Variants in FAM241B observed in about 807,000 individuals in gnomAD.
FAM241B encodes the protein protein FAM241B.
A neutral mutation model predicts 9.3 loss-of-function variants in FAM241B; 7 were observed. That is an observed-to-expected ratio of 0.75 (90% confidence interval 0.43 to 1.41). The LOEUF is 1.41. FAM241B is among the 40% of genes most tolerant of loss of function. FAM241B has a pLI of 0.01. For synonymous variants in FAM241B, 60 were observed against 64.1 expected (o/e 0.94, Z 0.31); for missense variants, 136 against 159.6 (o/e 0.85, Z 0.80).
chr10:69,632,934 C>T lies in FAM241B; in HGVS notation c.241C>T (p.Leu81Phe). 6.2e-7 allele frequency: 1 copy of T among 1,614,204 alleles called. No homozygotes were observed. The highest frequency in any genetic ancestry group is 1.1e-5 in the South Asian group (1 of 91,082). Residue 81 changes from leucine to phenylalanine, a missense_variant, in exon 4 of 4, where the codon CTT (leucine) becomes TTT (phenylalanine). Physicochemically the swap from Leu to Phe is conservative, Grantham distance 22. Coordinates refer to ENST00000373279, the MANE Select transcript of FAM241B (RefSeq NM_145306.3). ...GAACATGGGCTTTCCGCAGTGGCAT[C>T]TTGGCAACCATGCTGTGGAGCCGGT... ...LVNMGFPQWH[L>F]GNHAVEPVTS...
In FAM241B at chr10:69,631,771, A is replaced by G; in HGVS notation, c.28A>G (p.Ile10Val). ...GGTGCGGATCTTGGCCAATGGGGAAATCGTGCAGGATGACGACCCCCGAGT... is the reference window on the plus strand; with the variant it reads ...GGTGCGGATCTTGGCCAATGGGGAAGTCGTGCAGGATGACGACCCCCGAGT... MVRILANGE[I>V]VQDDDPRVRT... The change falls in exon 3 of 4, where the codon ATC becomes GTC. Residue 10 changes from isoleucine (I) to valine (V), a missense_variant. Physicochemically the swap from Ile to Val is conservative, Grantham distance 29. Transcript: ENST00000373279. The G allele has an allele frequency of 6.2e-7, 1 of 1,613,118 alleles. No individual in the cohort carries two copies. Among genetic ancestry groups the G allele is most frequent in the Non-Finnish European group, 8.5e-7 (1 of 1,179,830 alleles).
At chr10:69,632,751 C>A in intron 3 of FAM241B, 39 bp from the exon 4 acceptor site, 1 of 1,598,212 alleles carries the variant, frequency 6.3e-7, no homozygotes, top group Non-Finnish European at 8.5e-7. Flanking sequence ...GTGCGTCAAC[C>A]CAATGATTCA....
In FAM241B at chr10:69,631,578, CAG is replaced by C. The variant is rs1238515363; in HGVS notation, c.-36+32_-36+33del. 5 of 1,547,178 alleles carry C rather than the reference CAG, an allele frequency of 3.2e-6. No homozygotes were observed. In the African/African-American group the frequency reaches 4.1e-5, roughly 13 times the overall value. ...TTTTTTCCTTCAAGCTTTTTGAGGT[CAG>C]GGGGAAAATCCTCCACAGATCTTCA... On this transcript the variant is annotated intron_variant, in intron 2 of 3. Coordinates refer to ENST00000373279, the MANE Select transcript of FAM241B (RefSeq NM_145306.3).
At position 69,631,813 on chromosome 10, in the gene FAM241B, C is replaced by A; in HGVS notation, c.70C>A (p.Pro24Thr). The A allele has an allele frequency of 6.2e-7, 1 of 1,612,488 alleles. No homozygotes were observed. The highest frequency in any genetic ancestry group is 8.5e-7 in the Non-Finnish European group (1 of 1,179,612). Residue 24 changes from proline (P) to threonine (T), a missense_variant, in exon 3 of 4, where the codon CCA becomes ACA. Physicochemically the swap from Pro to Thr is conservative, Grantham distance 38. Transcript: ENST00000373279. ...CCCCCGAGTGAGGACCACTACCCAG[C>A]CACCAAGAGGTAGCATTCCTCGACA... The part of the protein sequence containing the change: ...DDPRVRTTTQ[P>T]PRGSIPRQSF...
rs2133256307 is a variant in FAM241B, at chr10:69,631,528, C to T, written c.-55C>T. 1 of 1,541,526 alleles carries T rather than the reference C, an allele frequency of 6.5e-7. No individual in the cohort carries two copies. The highest frequency in any genetic ancestry group is 2.5e-5 in the East Asian group (1 of 40,556). On this transcript the variant is annotated 5_prime_UTR_variant, in exon 2 of 4. Coordinates refer to ENST00000373279, the MANE Select transcript of FAM241B (RefSeq NM_145306.3). ...TCACCTCTGTGAACATCACTGACTG[C>T]AAGCCTCCCTCAATTTCTGGTAAAT...
intron 1 of FAM241B, among the ~76,000 whole-genome samples, chr10:69,630,842 G>T (rs1025710925): frequency 1.1e-4 from 17 of 152,184 alleles, no homozygotes; most frequent in African/African-American, 4.1e-4. Context: ...AGGTTGGACT[G>T]GTGTTCCCTG....
chr10:69,632,103 GTGGGT>G (rs1311425157), intron 3 of FAM241B, among the ~76,000 whole-genome samples: 1 of 152,178 alleles, frequency 6.6e-6, no homozygotes, highest in East Asian at 1.9e-4. Flanking sequence ...TCTTTTAAGA[GTGGGT>G]TGGATGACAG....
Position 69,631,498 on chromosome 10 carries a change from G to A in FAM241B, c.-85G>A, listed in dbSNP as rs750103148. On this transcript the variant is annotated 5_prime_UTR_variant, in exon 2 of 4. It adds an upstream start codon to the 5' untranslated region. Coordinates refer to ENST00000373279, the MANE Select transcript of FAM241B (RefSeq NM_145306.3). ...TAATCAGACACAGCATCTACTCAGC[G>A]TGGGTCACCTCTGTGAACATCACTG... 41 of 1,531,360 alleles carry A rather than the reference G, an allele frequency of 2.7e-5. 1 individual carries two copies. Among genetic ancestry groups the A allele is most frequent in the Middle Eastern group, 1.7e-4 (1 of 5,914 alleles). The allele number at this position is 1,531,360 out of a possible 1,614,324, so 94.9% of individuals were successfully genotyped here.
intron 3 of FAM241B, 133 bp downstream of exon 3, chr10:69,631,972 A>ACT (rs1839833026): frequency 9.3e-5 from 116 of 1,249,422 alleles, no homozygotes; most frequent in South Asian, 1.9e-4. Flanking sequence ...GCTGGGGAAG[A>ACT]TGCAGTGGCT....
Position 69,631,785 on chromosome 10 carries a change from C to G in FAM241B, c.42C>G (p.Asp14Glu). 5 of 1,613,198 alleles carry G rather than the reference C, an allele frequency of 3.1e-6. No homozygotes were observed. The highest frequency in any genetic ancestry group is 3.3e-4 in the Middle Eastern group (2 of 6,062). The change falls in exon 3 of 4, where the codon GAC becomes GAG. Residue 14 changes from aspartate to glutamate, a missense_variant. Physicochemically the swap from Asp to Glu is conservative, Grantham distance 45 (BLOSUM62 2). Coordinates refer to ENST00000373279, the MANE Select transcript of FAM241B (RefSeq NM_145306.3). ...ILANGEIVQD[D>E]DPRVRTTTQP... ...CCAATGGGGAAATCGTGCAGGATGACGACCCCCGAGTGAGGACCACTACCC... is the reference window on the plus strand; with the variant it reads ...CCAATGGGGAAATCGTGCAGGATGAGGACCCCCGAGTGAGGACCACTACCC...
Position 69,632,906 on chromosome 10 carries a change from G to A in FAM241B, c.213G>A (p.Leu71=), listed in dbSNP as rs770644575. 3.1e-6 allele frequency: 5 copies of A among 1,614,224 alleles called. No individual in the cohort carries two copies. The Middle Eastern group carries it at 6.6e-4, about 213-fold the overall frequency. Residue 71 remains leucine (L), a synonymous_variant, in exon 4 of 4, where the codon CTG becomes CTA. Transcript: ENST00000373279. The part of the protein sequence containing the change: ...QSPFNDLNRQ[L]VNMGFPQWHL... ...CCTTCAATGACCTCAACCGGCAGCT[G>A]GTGAACATGGGCTTTCCGCAGTGGC...
chr10:69,632,914 T>C lies in FAM241B; in HGVS notation c.221T>C (p.Met74Thr). The C allele has an allele frequency of 1.9e-6, 3 of 1,614,158 alleles. No homozygotes were observed. Among genetic ancestry groups the C allele is most frequent in the Non-Finnish European group, 2.5e-6 (3 of 1,180,020 alleles). The change falls in exon 4 of 4, where the codon ATG becomes ACG. Residue 74 changes from methionine to threonine, a missense_variant. Met to Thr is a moderately conservative substitution (Grantham distance 81, BLOSUM62 -1). Coordinates refer to ENST00000373279, the MANE Select transcript of FAM241B (RefSeq NM_145306.3). ...FNDLNRQLVNMGFPQWHLGNH... is the reference protein window; with the variant it reads ...FNDLNRQLVNTGFPQWHLGNH... ...GACCTCAACCGGCAGCTGGTGAACA[T>C]GGGCTTTCCGCAGTGGCATCTTGGC... is the stretch of plus-strand genomic sequence containing the variant.
At chr10:69,630,859 G>GCCCTCTGCCCC (rs1839806366) in intron 1 of FAM241B, among the ~76,000 whole-genome samples, 1 of 152,230 alleles carries the variant, frequency 6.6e-6, no homozygotes, top group Admixed American at 6.5e-5. Flanking sequence ...CCTGCGAAGT[G>GCCCTCTGCCCC]AGGGACAGGT....
rs768661090 is a variant in FAM241B, at chr10:69,632,806, G to T, written c.113G>T (p.Gly38Val). 1.2e-6 allele frequency: 2 copies of T among 1,613,446 alleles called. No homozygotes were observed. The highest frequency in any genetic ancestry group is 2.2e-5 in the East Asian group (1 of 44,884). ...ACATTCCAGAGCTTCTTCAACAGGG[G>T]CCATGGTGCTCCCCCAGGGGGTCCT... The part of the protein sequence containing the change: ...SIPRQSFFNR[G>V]HGAPPGGPGP... Residue 38 changes from glycine to valine, a missense_variant, in exon 4 of 4, where the codon GGC becomes GTC. Physicochemically the swap from Gly to Val is moderately radical, Grantham distance 109. Coordinates refer to ENST00000373279, the MANE Select transcript of FAM241B (RefSeq NM_145306.3).
chr10:69,631,309 T>C (rs1839815344), intron 1 of FAM241B, among the ~76,000 whole-genome samples, 171 bp from the exon 2 acceptor site: 1 of 152,216 alleles, frequency 6.6e-6, no homozygotes, highest in Admixed American at 6.5e-5. Context: ...CCACGGGGCG[T>C]GGGCCACAGC....
chr10:69,631,887 T>C, intron 3 of FAM241B, 48 bp downstream of exon 3: 1 of 1,571,228 alleles, frequency 6.4e-7, no homozygotes, highest in Non-Finnish European at 8.6e-7. Context: ...TCCTGTGTAC[T>C]GGCTACTCCT....
At position 69,633,181 on chromosome 10, in the gene FAM241B, GGT is replaced by G. The variant is rs1489299442; in HGVS notation, c.*129_*130del. 1.5e-6 allele frequency: 2 copies of G among 1,367,356 alleles called. No homozygotes were observed. The highest frequency in any genetic ancestry group is 2.9e-5 in the African/African-American group (2 of 69,634). The allele number at this position is 1,367,356 out of a possible 1,614,324, so 84.7% of individuals were successfully genotyped here. On this transcript the variant is annotated 3_prime_UTR_variant, in exon 4 of 4. Transcript: ENST00000373279. ...AGGTATGATCAGAGAGGGGACCACAGGTGTGTGTTTCCCCTTTGTGTTAAGCG... is the reference window on the plus strand; with the variant it reads ...AGGTATGATCAGAGAGGGGACCACAGGTGTGTTTCCCCTTTGTGTTAAGCG...
At position 69,633,032 on chromosome 10, in the gene FAM241B, C is replaced by T. The variant is rs756947920; in HGVS notation, c.339C>T (p.Tyr113=). ...VRGLLLVGLV[Y]LVSHLSQR ...GCCTCCTCCTGGTTGGCCTTGTCTA[C>T]CTGGTGTCCCACCTGAGTCAGCGGT... The change falls in exon 4 of 4, where the codon TAC becomes TAT. Residue 113 remains tyrosine (Y), a synonymous_variant. Transcript: ENST00000373279. 2.5e-6 allele frequency: 4 copies of T among 1,614,208 alleles called. No individual in the cohort carries two copies. The highest frequency in any genetic ancestry group is 3.4e-6 in the Non-Finnish European group (4 of 1,180,044).
At chr10:69,631,451 C>G (rs922666888) in intron 1 of FAM241B, 29 bp from the exon 2 acceptor site, 2 of 1,460,430 alleles carry the variant, frequency 1.4e-6, no homozygotes, top group Non-Finnish European at 1.8e-6. Flanking sequence ...AAACAACTTG[C>G]CTTTATTTCT....
Sources: allele counts gnomAD v4.1 joint callset (sites outside exome capture counted in the v4.1 genomes callset), GRCh38; gene constraint gnomAD v4.1.1; transcripts MANE v1.5; gene names NCBI Gene and HGNC (gene_info 2026-07-23, HGNC 2026-07-21).